The following UNC5D variants were observed in gnomAD, a reference collection of about 807,000 sequenced individuals.
UNC5D encodes the protein unc-5 netrin receptor D.
Under a neutral mutation model 105.4 loss-of-function variants are expected in UNC5D, and 39 were observed. The ratio of observed to expected loss-of-function variants is 0.37; its 90% confidence interval spans 0.29 to 0.48. The LOEUF is 0.48. Ranked by LOEUF, UNC5D falls within the 20% of genes least tolerant of loss-of-function variation. The pLI, the probability that UNC5D is intolerant of heterozygous loss-of-function variation, is 0.98. For missense variants in UNC5D, 991 were observed against 1,202.4 expected, an observed-to-expected ratio of 0.82 and a Z score of 2.60; for synonymous variants, 452 against 450.4, an observed-to-expected ratio of 1.00 and a Z score of -0.04.
chr8:35,588,595 C>G (rs528327328), intron 3 of UNC5D, among the ~76,000 whole-genome samples: 33 of 152,286 alleles, frequency 2.2e-4, no homozygotes, highest in African/African-American at 7.2e-4. Context: ...GCTAGTCACC[C>G]TGCTAGAGCA....
intron 1 of UNC5D, among the ~76,000 whole-genome samples, chr8:35,378,325 T>TTGCCG (rs1802821223): frequency 6.6e-6 from 1 of 152,228 alleles, no homozygotes; most frequent in Non-Finnish European, 1.5e-5. Flanking sequence ...CCTAGTTGTC[T>TTGCCG]TGCCGTACTT....
chr8:35,765,083 A>T (rs1231413978), intron 14 of UNC5D, among the ~76,000 whole-genome samples: 1 of 152,188 alleles, frequency 6.6e-6, no homozygotes, highest in South Asian at 2.1e-4. Flanking sequence ...TTCTCCGGTG[A>T]ATGTCCAGAA....
intron 3 of UNC5D, among the ~76,000 whole-genome samples, chr8:35,568,614 A>G (rs1817519377): frequency 6.6e-6 from 1 of 152,192 alleles, no homozygotes; most frequent in South Asian, 2.1e-4. Context: ...GCTTGAACCC[A>G]GGAGGTGGAG....
chr8:35,451,489 C>A (rs565520806), intron 1 of UNC5D, among the ~76,000 whole-genome samples: 2 of 152,180 alleles, frequency 1.3e-5, no homozygotes, highest in African/African-American at 4.8e-5. Flanking sequence ...GCATTGTTAT[C>A]CCAGTTTTAT....
intron 4 of UNC5D, among the ~76,000 whole-genome samples, chr8:35,627,451 C>A (rs1436564587): frequency 6.6e-6 from 1 of 152,194 alleles, no homozygotes; most frequent in Non-Finnish European, 1.5e-5. Flanking sequence ...AGCAGTCATG[C>A]AGCCTTTTGC....
At chr8:35,347,995 T>C (rs1261498396) in intron 1 of UNC5D, among the ~76,000 whole-genome samples, 2 of 151,958 alleles carry the variant, frequency 1.3e-5, no homozygotes, top group Non-Finnish European at 2.9e-5. Flanking sequence ...TTAATGGAAA[T>C]TCTTCAAACT....
At chr8:35,320,207 TG>T (rs1048840550) in intron 1 of UNC5D, among the ~76,000 whole-genome samples, 10 of 151,444 alleles carry the variant, frequency 6.6e-5, no homozygotes, top group African/African-American at 2.4e-4. Context: ...CAATTCGAAG[TG>T]GGGGTGGGGG....
At chr8:35,703,357 T>C (rs1827337629) in intron 7 of UNC5D, among the ~76,000 whole-genome samples, 1 of 152,206 alleles carries the variant, frequency 6.6e-6, no homozygotes, top group South Asian at 2.1e-4. Flanking sequence ...GGAATTTGTA[T>C]TCCCATTTTA....
intron 4 of UNC5D, among the ~76,000 whole-genome samples, chr8:35,681,040 T>C (rs1171567147): frequency 6.6e-6 from 1 of 152,156 alleles, no homozygotes; most frequent in Non-Finnish European, 1.5e-5. Context: ...CTTGCAGTGA[T>C]ATAGGAGTGA....
In UNC5D at chr8:35,734,655, C is replaced by G. The variant is rs188331087; in HGVS notation, c.1766+3559C>G. Among the ~76,000 whole-genome samples the G allele has an allele frequency of 3.2e-3, 484 of 152,258 alleles. 1 individual carries two copies. The highest frequency in any genetic ancestry group is 0.011 in the African/African-American group (464 of 41,540). Reference sequence around the variant, plus strand: ...GAACTCCCGACCTCAGGTGATACGCCCACCTCGGCATCCCCAAGTGCTGGG... The same window carrying G: ...GAACTCCCGACCTCAGGTGATACGCGCACCTCGGCATCCCCAAGTGCTGGG... On this transcript the variant is annotated intron_variant, in intron 11 of 16. Transcript: ENST00000404895.
rs575407762 is a variant in UNC5D at position 35,397,235 on chromosome 8, C to A, written c.104-152057C>A. On this transcript the variant is annotated intron_variant, in intron 1 of 16. Coordinates refer to ENST00000404895, the MANE Select transcript of UNC5D (RefSeq NM_080872.4). ...CCCAAGGTTTTTATTGGAGGCTGAT[C>A]CTGTAGATACCCTCTGCTGGGCACA... 1.8e-4 allele frequency among the ~76,000 whole-genome samples: 27 copies of A among 152,218 alleles called. No individual in the cohort carries two copies. The South Asian group carries it at 4.8e-3, about 27-fold the overall frequency.
chr8:35,391,569 T>C (rs1803775307), intron 1 of UNC5D, among the ~76,000 whole-genome samples: 1 of 152,180 alleles, frequency 6.6e-6, no homozygotes, highest in Admixed American at 6.5e-5. Flanking sequence ...GTGGAAGAAA[T>C]GCCCCACGTT....
intron 16 of UNC5D, among the ~76,000 whole-genome samples, chr8:35,775,203 C>T (rs936893936): frequency 5.3e-5 from 8 of 152,106 alleles, no homozygotes; most frequent in Non-Finnish European, 1.0e-4. Context: ...ACATGCTCAA[C>T]CTACAAAATT....
At chr8:35,608,363 A>G (rs1384878355) in intron 4 of UNC5D, among the ~76,000 whole-genome samples, 2 of 152,206 alleles carry the variant, frequency 1.3e-5, no homozygotes, top group East Asian at 3.8e-4. Context: ...TATGGAAAGT[A>G]TTTCAGCTAC....
rs556251181 is a variant in UNC5D at position 35,728,430 on chromosome 8, A to G, written c.1681+1901A>G. Reference sequence around the variant, plus strand: ...TTCACCTCTGACTTGAGCAGCACTAACGTTGAAAACTAAAAGTTCTGACAG... The same window carrying G: ...TTCACCTCTGACTTGAGCAGCACTAGCGTTGAAAACTAAAAGTTCTGACAG... On this transcript the variant is annotated intron_variant, in intron 10 of 16. Coordinates refer to ENST00000404895, the MANE Select transcript of UNC5D (RefSeq NM_080872.4). 3.3e-5 allele frequency among the ~76,000 whole-genome samples: 5 copies of G among 152,238 alleles called. No homozygotes were observed. The South Asian group carries it at 1.0e-3, about 32-fold the overall frequency.
At chr8:35,278,833 CTATATTCATCT>C (rs1030375179) in intron 1 of UNC5D, among the ~76,000 whole-genome samples, 1 of 152,080 alleles carries the variant, frequency 6.6e-6, no homozygotes, top group African/African-American at 2.4e-5. Flanking sequence ...CTTATTCATC[CTATATTCATCT>C]TACAAAGCTT....
At chr8:35,544,469 G>A in intron 1 of UNC5D, 1 of 1,613,936 alleles carries the variant, frequency 6.2e-7, no homozygotes, top group Non-Finnish European at 8.5e-7. Context: ...GTTAGTTAAA[G>A]CTCTCAGTGA....
chr8:35,681,803 G>A (rs1026167544), intron 4 of UNC5D, among the ~76,000 whole-genome samples: 1 of 152,176 alleles, frequency 6.6e-6, no homozygotes, highest in African/African-American at 2.4e-5. Flanking sequence ...TCTAAAGTAA[G>A]TTTTGGATGG....
chr8:35,637,025 G>A (rs1279489436), intron 4 of UNC5D, among the ~76,000 whole-genome samples: 1 of 152,154 alleles, frequency 6.6e-6, no homozygotes. Flanking sequence ...CAATGAGGAT[G>A]AAATGTTTGC....
Sources: allele counts gnomAD v4.1 joint callset (sites outside exome capture counted in the v4.1 genomes callset), GRCh38; gene constraint gnomAD v4.1.1; transcripts MANE v1.5; gene names NCBI Gene and HGNC (gene_info 2026-07-23, HGNC 2026-07-21).